The following UMAD1 variants were observed in gnomAD, a reference collection of about 807,000 sequenced individuals.
UMAD1 encodes UBAP1-MVB12-associated (UMA)-domain containing protein 1.
Under a neutral mutation model 6.1 loss-of-function variants are expected in UMAD1, and 8 were observed. The observed-to-expected ratio is 1.30, with a 90% CI of 0.76 to 2.35. The LOEUF (loss-of-function observed/expected upper bound fraction) is 2.35, where lower values mean the gene tolerates loss of function less well. Ranked by LOEUF, UMAD1 falls within the 30% of genes most tolerant of loss-of-function variation. The pLI, the probability that UMAD1 is intolerant of heterozygous loss-of-function variation, is 0.00. For missense variants in UMAD1, 130 were observed against 78.4 expected, an observed-to-expected ratio of 1.66 and a Z score of -2.49; for synonymous variants, 56 against 31.4, an observed-to-expected ratio of 1.78 and a Z score of -2.61.
intron 2 of UMAD1, among the ~76,000 whole-genome samples, chr7:7,769,487 C>G (rs774986130): frequency 6.6e-6 from 1 of 152,104 alleles, no homozygotes; most frequent in African/African-American, 2.4e-5. Flanking sequence ...AGAGCCTCCC[C>G]CACTGACAGG....
intron 2 of UMAD1, among the ~76,000 whole-genome samples, chr7:7,776,832 A>G (rs1053564804): frequency 4.6e-5 from 7 of 152,220 alleles, no homozygotes. Context: ...ATAAATGGCT[A>G]AAAAATATAT....
At chr7:7,835,162 T>C (rs577665269) in intron 3 of UMAD1, among the ~76,000 whole-genome samples, 2 of 152,312 alleles carry the variant, frequency 1.3e-5, no homozygotes, top group Admixed American at 1.3e-4. Flanking sequence ...TCAAAGACTA[T>C]GAGAAGTATA....
intron 2 of UMAD1, among the ~76,000 whole-genome samples, chr7:7,686,267 GAGGGTGTATC>G (rs1780039491): frequency 6.6e-6 from 1 of 152,182 alleles, no homozygotes; most frequent in Non-Finnish European, 1.5e-5. Flanking sequence ...GCTGAATAGA[GAGGGTGTATC>G]AGGGCCACTA....
intron 3 of UMAD1, among the ~76,000 whole-genome samples, chr7:7,872,958 CA>C (rs1247626656): frequency 1.3e-5 from 2 of 152,142 alleles, no homozygotes; most frequent in African/African-American, 4.8e-5. Context: ...CAGTGAGTGT[CA>C]AAAGAGATGA....
chr7:7,833,123 C>T (rs1267144734), intron 3 of UMAD1, among the ~76,000 whole-genome samples: 6 of 152,068 alleles, frequency 3.9e-5, no homozygotes, highest in Admixed American at 1.3e-4. Flanking sequence ...TGGCAGGAAA[C>T]TTTTTACTTA....
intron 2 of UMAD1, among the ~76,000 whole-genome samples, chr7:7,719,847 T>G (rs1277566738): frequency 1.3e-5 from 2 of 152,250 alleles, no homozygotes; most frequent in East Asian, 3.8e-4. Context: ...TATTTAATTC[T>G]GTACAAACAA....
At chr7:7,824,216 C>T (rs1419907336) in intron 3 of UMAD1, among the ~76,000 whole-genome samples, 1 of 152,092 alleles carries the variant, frequency 6.6e-6, no homozygotes, top group Non-Finnish European at 1.5e-5. Context: ...ATTCCTTCCT[C>T]CAGCCTCACT....
At chr7:7,875,424 A>G (rs1439862703) in intron 3 of UMAD1, among the ~76,000 whole-genome samples, 1 of 152,226 alleles carries the variant, frequency 6.6e-6, no homozygotes, top group Non-Finnish European at 1.5e-5. Flanking sequence ...AAAGATTAAC[A>G]AAATAGATGG....
chr7:7,685,378 C>T (rs1379804773), intron 2 of UMAD1, among the ~76,000 whole-genome samples: 1 of 149,852 alleles, frequency 6.7e-6, no homozygotes, highest in Admixed American at 6.7e-5. Context: ...GGTGCCATCT[C>T]AGCTCACTGC....
intron 2 of UMAD1, among the ~76,000 whole-genome samples, chr7:7,717,575 A>AT (rs1383945085): frequency 1.3e-5 from 2 of 152,160 alleles, no homozygotes; most frequent in Non-Finnish European, 2.9e-5. Context: ...ACTTTAACTG[A>AT]TTTTTTTATT....
Position 7,877,825 on chromosome 7 carries a change from C to T in UMAD1, c.*287C>T. The T allele has an allele frequency of 3.0e-6, 1 of 329,028 alleles. No individual in the cohort carries two copies. The highest frequency in any genetic ancestry group is 5.6e-6 in the Non-Finnish European group (1 of 178,998). 20.4% of individuals were successfully genotyped at this position (329,028 alleles called of 1,614,324 possible). On this transcript the variant is annotated 3_prime_UTR_variant, in exon 4 of 4. Transcript: ENST00000682710. ...CAGATGGTCTCTCAAAATATAACAC[C>T]TCAAATTTATCTTAGAAGAACTGTG...
At chr7:7,648,082 T>C (rs1785137968) in intron 1 of UMAD1, among the ~76,000 whole-genome samples, 1 of 152,252 alleles carries the variant, frequency 6.6e-6, no homozygotes, top group African/African-American at 2.4e-5. Flanking sequence ...ACAGCTGGCC[T>C]GGGAGGTCTC....
At chr7:7,720,131 T>C (rs1205336996) in intron 2 of UMAD1, among the ~76,000 whole-genome samples, 1 of 152,230 alleles carries the variant, frequency 6.6e-6, no homozygotes, top group Non-Finnish European at 1.5e-5. Context: ...TTATTTCAAA[T>C]GTATAGTTCA....
At chr7:7,803,934 T>C (rs1463488255) in intron 3 of UMAD1, among the ~76,000 whole-genome samples, 1 of 152,222 alleles carries the variant, frequency 6.6e-6, no homozygotes, top group Admixed American at 6.5e-5. Context: ...AGAACTTGAC[T>C]ATTTTTCAAA....
chr7:7,847,811 A>G (rs1264466332), intron 3 of UMAD1, among the ~76,000 whole-genome samples: 1 of 152,146 alleles, frequency 6.6e-6, no homozygotes, highest in East Asian at 1.9e-4. Context: ...TCAGCCTGTC[A>G]AAATGCTGGG....
At chr7:7,799,537 GA>G (rs1332637447) in intron 2 of UMAD1, among the ~76,000 whole-genome samples, 1 of 152,216 alleles carries the variant, frequency 6.6e-6, no homozygotes, top group Non-Finnish European at 1.5e-5. Context: ...TTGTGTGATG[GA>G]TGGAATAGTA....
chr7:7,848,214 C>G (rs1043153199), intron 3 of UMAD1, among the ~76,000 whole-genome samples: 4 of 152,120 alleles, frequency 2.6e-5, no homozygotes, highest in African/African-American at 9.7e-5. Context: ...CTGATTTTAA[C>G]AGACTCTGTT....
At chr7:7,756,862 C>T (rs1172141985) in intron 2 of UMAD1, among the ~76,000 whole-genome samples, 1 of 152,292 alleles carries the variant, frequency 6.6e-6, no homozygotes, top group East Asian at 1.9e-4. Flanking sequence ...TTCTACTGGG[C>T]AGCCAGGGTT....
intron 2 of UMAD1, among the ~76,000 whole-genome samples, chr7:7,784,887 C>T (rs897005427): frequency 1.3e-5 from 2 of 151,120 alleles, no homozygotes; most frequent in Non-Finnish European, 2.9e-5. Context: ...CTCAGCCTCC[C>T]GAGTAGCTGG....
Sources: allele counts gnomAD v4.1 joint callset (sites outside exome capture counted in the v4.1 genomes callset), GRCh38; gene constraint gnomAD v4.1.1; transcripts MANE v1.5; gene names NCBI Gene and HGNC (gene_info 2026-07-23, HGNC 2026-07-21).